The following SCTR variants were observed in gnomAD, a reference collection of about 807,000 sequenced individuals.
The protein encoded by SCTR is pancreatic secretin receptor.
A neutral mutation model predicts 60.8 loss-of-function variants in SCTR; 56 were observed. The observed-to-expected ratio is 0.92, with a 90% CI of 0.74 to 1.15. SCTR has a LOEUF of 1.15. Ranked by LOEUF, SCTR falls within the 50% of genes most tolerant of loss-of-function variation. The probability of loss-of-function intolerance (pLI) is 0.00; values close to 1 mark genes in which losing one functional copy is unlikely to be tolerated. For synonymous variants in SCTR, 202 were observed against 217.0 expected (o/e 0.93, Z 0.61); for missense variants, 562 against 550.4 (o/e 1.02, Z -0.21).
intron 11 of SCTR, among the ~76,000 whole-genome samples, chr2:119,446,389 GC>G (rs1346666355): frequency 1.3e-5 from 2 of 152,048 alleles, no homozygotes; most frequent in African/African-American, 4.8e-5. Flanking sequence ...CCAAACACCC[GC>G]CCCACGCTCC....
chr2:119,490,178 A>C (rs1341833601), intron 2 of SCTR, among the ~76,000 whole-genome samples: 1 of 152,242 alleles, frequency 6.6e-6, no homozygotes, highest in Non-Finnish European at 1.5e-5. Context: ...CCCCAAGTGC[A>C]GTCGGAGCCA....
In SCTR at chr2:119,493,723, C is replaced by A. The variant is rs534439381; in HGVS notation, c.193+705G>T. Among the ~76,000 whole-genome samples, 474 of 149,354 alleles carry A rather than the reference C, an allele frequency of 3.2e-3. 3 individuals carry two copies. Among genetic ancestry groups the A allele is most frequent in the African/African-American group, 0.011 (444 of 40,882 alleles). On this transcript the variant is annotated intron_variant, in intron 2 of 12. Coordinates refer to ENST00000019103, the MANE Select transcript of SCTR (RefSeq NM_002980.3). Reference sequence around the variant, plus strand: ...ATGGTGCCATTTCAACTCACTGCAACCTCTGCATCCCGGGTTCAAGCGATT... The same window carrying A: ...ATGGTGCCATTTCAACTCACTGCAAACTCTGCATCCCGGGTTCAAGCGATT...
intron 4 of SCTR, among the ~76,000 whole-genome samples, chr2:119,466,602 AT>A (rs1683844792): frequency 6.6e-6 from 1 of 152,128 alleles, no homozygotes; most frequent in Admixed American, 6.5e-5. Context: ...AAATTTTAAA[AT>A]TAGCCAGGCA....
rs1257697788 is a variant in SCTR at position 119,464,176 on chromosome 2, T to C, written c.583A>G (p.Lys195Glu). Residue 195 changes from lysine (K) to glutamate (E), a missense_variant, in exon 6 of 13, where the codon AAG becomes GAG. Transcript: ENST00000019103. ...TCTGAGGAGAAGAGCACGGCGTCCT[T>C]GATGAAGTTGGACAGGGCACGAAGG... Reference protein sequence around the residue: ...FILRALSNFIKDAVLFSSDDV... With the variant: ...FILRALSNFIEDAVLFSSDDV... 7 of 1,614,002 alleles carry C rather than the reference T, an allele frequency of 4.3e-6. No individual in the cohort carries two copies. Among genetic ancestry groups the C allele is most frequent in the Non-Finnish European group, 5.1e-6 (6 of 1,180,010 alleles).
intron 11 of SCTR, among the ~76,000 whole-genome samples, chr2:119,442,820 C>A (rs1026107520): frequency 6.6e-6 from 1 of 152,124 alleles, no homozygotes; most frequent in Non-Finnish European, 1.5e-5. Flanking sequence ...TTCCAAAAAA[C>A]GGGCATCATG....
intron 1 of SCTR, among the ~76,000 whole-genome samples, chr2:119,505,599 C>T (rs1357764432): frequency 1.4e-5 from 2 of 147,854 alleles, no homozygotes; most frequent in Admixed American, 6.7e-5. Context: ...AGCAAACTAT[C>T]GCAAGGACAA....
intron 2 of SCTR, chr2:119,479,133 T>G (rs747391196): frequency 3.3e-6 from 4 of 1,229,740 alleles, no homozygotes; most frequent in Non-Finnish European, 4.1e-6. Flanking sequence ...GTGTTGAAGA[T>G]AGAAGGAAGT....
intron 4 of SCTR, among the ~76,000 whole-genome samples, chr2:119,467,007 A>G (rs1347889144): frequency 6.6e-6 from 1 of 152,170 alleles, no homozygotes; most frequent in African/African-American, 2.4e-5. Context: ...CCAAGCAGGC[A>G]TTCACTTATT....
rs1683194029 is a variant in SCTR, at chr2:119,452,081, TA to T, written c.852-3del. The T allele has an allele frequency of 6.3e-7, 1 of 1,589,540 alleles. No individual in the cohort carries two copies. The highest frequency in any genetic ancestry group is 8.6e-7 in the Non-Finnish European group (1 of 1,160,754). On this transcript the variant is annotated splice_polypyrimidine_tract_variant and splice_region_variant and intron_variant, in intron 8 of 12. Coordinates refer to ENST00000019103, the MANE Select transcript of SCTR (RefSeq NM_002980.3). ...GCGTTGGCATTGATGTCCCAGCACC[TA>T]AGGGAGGGACAGCTGGGCATGGTTA...
rs533233734 is a variant in SCTR, at chr2:119,475,763, G to A, written c.302-2207C>T. ...ATATAGATATATATTTATGCAGTTCGGGGAAAGACTAGTCCAAAGCTTTCA... is the reference window on the plus strand; with the variant it reads ...ATATAGATATATATTTATGCAGTTCAGGGAAAGACTAGTCCAAAGCTTTCA... On this transcript the variant is annotated intron_variant, in intron 3 of 12. Coordinates refer to ENST00000019103, the MANE Select transcript of SCTR (RefSeq NM_002980.3). Among the ~76,000 whole-genome samples, 10 of 149,760 alleles carry A rather than the reference G, an allele frequency of 6.7e-5. No individual in the cohort carries two copies. In the South Asian group the frequency reaches 1.5e-3, roughly 22 times the overall value.
At chr2:119,512,526 A>G (rs574935422) in intron 1 of SCTR, among the ~76,000 whole-genome samples, 59 of 152,146 alleles carry the variant, frequency 3.9e-4, no homozygotes, top group African/African-American at 1.4e-3. Context: ...CCTCCCGAGT[A>G]GCTGGGATTA....
chr2:119,455,120 C>T (rs760073983), intron 7 of SCTR, among the ~76,000 whole-genome samples: 57 of 152,138 alleles, frequency 3.7e-4, no homozygotes, highest in Admixed American at 1.0e-3. Context: ...CCCTGGTCCC[C>T]GGGCCGCTCA....
intron 3 of SCTR, among the ~76,000 whole-genome samples, chr2:119,474,625 A>G (rs573249407): frequency 2.6e-5 from 4 of 152,280 alleles, no homozygotes; most frequent in African/African-American, 4.8e-5. Flanking sequence ...TGAGCGTGGC[A>G]TGCTTCTTTA....
chr2:119,498,904 T>C lies in SCTR; in HGVS notation c.73-4356A>G, dbSNP rs545311268. Among the ~76,000 whole-genome samples the C allele has an allele frequency of 1.4e-4, 21 of 152,104 alleles. 1 individual carries two copies. The highest frequency in any genetic ancestry group is 5.1e-4 in the African/African-American group (21 of 41,564). On this transcript the variant is annotated intron_variant, in intron 1 of 12. Transcript: ENST00000019103. ...TATCAATAGTGACATTAAATGTAAATGGTCTAAACACACCAATTTTAAAAA... is the reference window on the plus strand; with the variant it reads ...TATCAATAGTGACATTAAATGTAAACGGTCTAAACACACCAATTTTAAAAA...
chr2:119,499,220 A>G (rs531984157), intron 1 of SCTR, among the ~76,000 whole-genome samples: 99 of 152,208 alleles, frequency 6.5e-4, no homozygotes, highest in Non-Finnish European at 1.0e-3. Flanking sequence ...GCTGTAAAAT[A>G]TGTGAAACAA....
chr2:119,456,511 C>T (rs1012767896), intron 7 of SCTR, among the ~76,000 whole-genome samples: 1 of 151,850 alleles, frequency 6.6e-6, no homozygotes, highest in Non-Finnish European at 1.5e-5. Context: ...AGAGAGTGAA[C>T]CAAAGACAGG....
Position 119,512,340 on chromosome 2 carries a change from C to T in SCTR, c.72+11815G>A, listed in dbSNP as rs12999899. ...CCCCTTCCCCTTCCCCTTCCCCTTC[C>T]CCTTCTCCTTCTCCTTCTCCTTCTC... On this transcript the variant is annotated intron_variant, in intron 1 of 12. Transcript: ENST00000019103. 9.6e-3 allele frequency among the ~76,000 whole-genome samples: 528 copies of T among 54,992 alleles called. 3 individuals are homozygous for T. The highest frequency in any genetic ancestry group is 0.037 in the East Asian group (18 of 490). The allele number at this position is 54,992 out of a possible 152,430, so 36.1% of individuals were successfully genotyped here. A position where few individuals can be genotyped will look rare whatever the true frequency, so the allele number is the denominator to read the frequency against.
At chr2:119,457,048 T>G (rs1212507617) in intron 7 of SCTR, among the ~76,000 whole-genome samples, 1 of 152,204 alleles carries the variant, frequency 6.6e-6, no homozygotes, top group African/African-American at 2.4e-5. Context: ...AGAGTAAATT[T>G]CTGTTGTTTT....
rs75071385 is a variant in SCTR at position 119,464,191 on chromosome 2, G to A, written c.568C>T (p.Leu190=). The A allele has an allele frequency of 1.6e-3, 2,599 of 1,614,168 alleles. 24 individuals carry two copies. The African/African-American group carries it at 0.028, about 17-fold the overall frequency. ...ACGGCGTCCTTGATGAAGTTGGACAGGGCACGAAGGATGAAGGACACGAAC... is the reference window on the plus strand; with the variant it reads ...ACGGCGTCCTTGATGAAGTTGGACAAGGCACGAAGGATGAAGGACACGAAC... ...HLFVSFILRA[L]SNFIKDAVLF... is the part of the protein sequence containing the mutation. Residue 190 remains leucine, a synonymous_variant, in exon 6 of 13, where the codon CTG becomes TTG. Coordinates refer to ENST00000019103, the MANE Select transcript of SCTR (RefSeq NM_002980.3).
Sources: gnomAD v4.1 joint callset for allele counts (sites outside exome capture counted in the v4.1 genomes callset) on GRCh38, gnomAD v4.1.1 for gene constraint, MANE v1.5 for transcripts, NCBI Gene and HGNC (gene_info 2026-07-23, HGNC 2026-07-21) for gene names.